The following MCPH1 variants were observed in gnomAD, a reference collection of about 807,000 sequenced individuals.
MCPH1 encodes microcephalin 1, also known as microcephalin.
Under a neutral mutation model 84.5 loss-of-function variants are expected in MCPH1, and 104 were observed. The ratio of observed to expected loss-of-function variants is 1.23; its 90% CI spans 1.05 to 1.45. The LOEUF is 1.45. Ranked by LOEUF, MCPH1 falls within the 40% of genes most tolerant of loss-of-function variation. MCPH1 has a pLI of 0.00. For missense variants in MCPH1, 1,498 were observed against 1,005.7 expected (o/e 1.49, Z -6.62); for synonymous variants, 514 against 366.8 (o/e 1.40, Z -4.58).
intron 13 of MCPH1, chr8:6,635,261 T>C (rs1016291499): frequency 7.1e-6 from 1 of 141,390 alleles, no homozygotes; most frequent in East Asian, 1.9e-4. Context: ...ATCAAGGTGA[T>C]CGTGATGATA....
chr8:6,540,063 C>T (rs1180549732), intron 12 of MCPH1, among the ~76,000 whole-genome samples: 1 of 152,196 alleles, frequency 6.6e-6, no homozygotes, highest in Non-Finnish European at 1.5e-5. Flanking sequence ...TAGTCCATGC[C>T]TCTCCTCCTG....
chr8:6,527,568 G>A, intron 12 of MCPH1: 1 of 1,613,666 alleles, frequency 6.2e-7, no homozygotes, highest in Non-Finnish European at 8.5e-7. Context: ...TTCTTATCTT[G>A]CAATTTGTTT....
rs28538706 is a variant in MCPH1, at chr8:6,557,955, G to T, written c.2214+58026G>T. On this transcript the variant is annotated intron_variant, in intron 12 of 13. Coordinates refer to ENST00000344683, the MANE Select transcript of MCPH1 (RefSeq NM_024596.5). ...TCCTTTCTTCCCTGTCAAAACAGTT[G>T]TGCCACGTCCTCCCCCTCTTCCTCA... 6.7e-3 allele frequency among the ~76,000 whole-genome samples: 1,015 copies of T among 152,228 alleles called. 12 individuals are homozygous for T. The highest frequency in any genetic ancestry group is 0.061 in the South Asian group (295 of 4,806).
intron 12 of MCPH1, among the ~76,000 whole-genome samples, chr8:6,609,675 C>G (rs1486691679): frequency 6.6e-6 from 1 of 152,200 alleles, no homozygotes; most frequent in African/African-American, 2.4e-5. Flanking sequence ...TGCGCTTTTA[C>G]TTTTTGCATA....
intron 12 of MCPH1, among the ~76,000 whole-genome samples, chr8:6,605,661 T>A (rs1829708412): frequency 6.6e-6 from 1 of 152,058 alleles, no homozygotes; most frequent in Non-Finnish European, 1.5e-5. Context: ...GAGATCAAGT[T>A]TTGTTTTTAA....
chr8:6,448,556 C>A (rs553271465), intron 8 of MCPH1, among the ~76,000 whole-genome samples: 2 of 152,220 alleles, frequency 1.3e-5, no homozygotes, highest in Non-Finnish European at 2.9e-5. Flanking sequence ...GAAGAACAGA[C>A]TGTGGGTTGG....
At chr8:6,465,632 G>A (rs995870633) in intron 9 of MCPH1, among the ~76,000 whole-genome samples, 11 of 152,202 alleles carry the variant, frequency 7.2e-5, no homozygotes, top group African/African-American at 2.7e-4. Context: ...AACTGCGACA[G>A]CGGAGGAGGA....
chr8:6,573,883 A>G (rs1826857688), intron 12 of MCPH1, among the ~76,000 whole-genome samples: 1 of 152,206 alleles, frequency 6.6e-6, no homozygotes, highest in African/African-American at 2.4e-5. Flanking sequence ...GGTGGCCAGA[A>G]AAAACCACAA....
chr8:6,576,544 T>C lies in MCPH1; in HGVS notation c.2215-44910T>C, dbSNP rs892208577. 2.1e-5 allele frequency among the ~76,000 whole-genome samples: 3 copies of C among 142,208 alleles called. No individual in the cohort carries two copies. The Admixed American group carries it at 2.1e-4, about 10-fold the overall frequency. 93.3% of individuals were successfully genotyped at this position (142,208 alleles called of 152,430 possible). On this transcript the variant is annotated intron_variant, in intron 12 of 13. Transcript: ENST00000344683. ...CGTCCCTTTAGATGTAGTCTCCCTCTGTCCCCCAGGCTGGAGTGCAATGGT... is the reference window on the plus strand; with the variant it reads ...CGTCCCTTTAGATGTAGTCTCCCTCCGTCCCCCAGGCTGGAGTGCAATGGT...
At chr8:6,534,043 C>T (rs567783104) in intron 12 of MCPH1, among the ~76,000 whole-genome samples, 1 of 152,126 alleles carries the variant, frequency 6.6e-6, no homozygotes, top group East Asian at 1.9e-4. Context: ...AAGCTCCCAG[C>T]TCCCTGCATG....
intron 12 of MCPH1, chr8:6,521,218 C>T (rs959296572): frequency 6.2e-7 from 1 of 1,613,884 alleles, no homozygotes; most frequent in Non-Finnish European, 8.5e-7. Context: ...TATTAACTGT[C>T]TCCATGAGAT....
At chr8:6,579,800 G>A (rs1827406849) in intron 12 of MCPH1, among the ~76,000 whole-genome samples, 1 of 152,150 alleles carries the variant, frequency 6.6e-6, no homozygotes, top group African/African-American at 2.4e-5. Flanking sequence ...TATCAGCAAG[G>A]GAAACTGAGG....
chr8:6,492,507 G>C (rs1810736271), intron 11 of MCPH1, among the ~76,000 whole-genome samples: 2 of 151,846 alleles, frequency 1.3e-5, no homozygotes, highest in African/African-American at 2.4e-5. Context: ...TTTGGCTTTT[G>C]TTGCCATTGC....
chr8:6,523,676 G>A (rs911128979), intron 12 of MCPH1, among the ~76,000 whole-genome samples: 3 of 152,076 alleles, frequency 2.0e-5, no homozygotes, highest in Admixed American at 1.3e-4. Context: ...TGCAACCTCC[G>A]CCTCCCGGAT....
At chr8:6,504,198 G>A (rs11779671) in intron 12 of MCPH1, among the ~76,000 whole-genome samples, 18 of 150,906 alleles carry the variant, frequency 1.2e-4, no homozygotes, top group Non-Finnish European at 1.6e-4. Flanking sequence ...GACGCCTGTA[G>A]TCCCAGCTAC....
intron 12 of MCPH1, among the ~76,000 whole-genome samples, chr8:6,514,987 A>T (rs1815969297): frequency 6.6e-6 from 1 of 152,198 alleles, no homozygotes; most frequent in Non-Finnish European, 1.5e-5. Context: ...GGTGAAACAT[A>T]AACAGTAATA....
chr8:6,516,954 A>G (rs751421221), intron 12 of MCPH1, among the ~76,000 whole-genome samples: 1 of 152,232 alleles, frequency 6.6e-6, no homozygotes, highest in Non-Finnish European at 1.5e-5. Flanking sequence ...TGATTCCATT[A>G]GTGATGATGA....
intron 12 of MCPH1, among the ~76,000 whole-genome samples, chr8:6,506,408 A>C (rs570459645): frequency 6.6e-6 from 1 of 152,154 alleles, no homozygotes; most frequent in South Asian, 2.1e-4. Flanking sequence ...TTACATTCTC[A>C]GTCCCTAAAT....
intron 12 of MCPH1, among the ~76,000 whole-genome samples, chr8:6,553,106 A>G (rs1332012216): frequency 2.0e-5 from 3 of 152,074 alleles, no homozygotes; most frequent in African/African-American, 7.2e-5. Context: ...TCTGGGTGAT[A>G]ATGATGGGTC....
Sources: allele counts gnomAD v4.1 joint callset (sites outside exome capture counted in the v4.1 genomes callset), GRCh38; gene constraint gnomAD v4.1.1; transcripts MANE v1.5; gene names NCBI Gene and HGNC (gene_info 2026-07-23, HGNC 2026-07-21).